The following DPP10 variants were observed in gnomAD, a reference collection of about 807,000 sequenced individuals.
DPP10 encodes the protein dipeptidyl peptidase like 10, also known as inactive dipeptidyl peptidase 10.
A neutral mutation model predicts 120.9 loss-of-function variants in DPP10; 33 were observed. The ratio of observed to expected loss-of-function variants is 0.27; its 90% confidence interval spans 0.21 to 0.37. The LOEUF is 0.37. Among genes scored for constraint, DPP10 ranks in the 10% least tolerant of loss-of-function variants. DPP10 has a pLI of 1.00. For missense variants in DPP10, 816 were observed against 942.8 expected (o/e 0.87, Z 1.76); for synonymous variants, 337 against 326.1 (o/e 1.03, Z -0.36).
intron 19 of DPP10, among the ~76,000 whole-genome samples, chr2:115,810,321 T>C (rs1686497103): frequency 6.6e-6 from 1 of 152,154 alleles, no homozygotes; most frequent in Admixed American, 6.5e-5. Context: ...AAAACCTTAG[T>C]CTTCTGTATA....
At chr2:115,097,355 T>A (rs1187994913) in intron 1 of DPP10, among the ~76,000 whole-genome samples, 1 of 152,208 alleles carries the variant, frequency 6.6e-6, no homozygotes, top group Admixed American at 6.5e-5. Context: ...AATTCTAATG[T>A]GAAGATCTTT....
At chr2:114,661,115 T>C (rs913424579) in intron 1 of DPP10, among the ~76,000 whole-genome samples, 3 of 152,176 alleles carry the variant, frequency 2.0e-5, no homozygotes, top group African/African-American at 7.2e-5. Flanking sequence ...CCAAATGATA[T>C]ATGCTCATTC....
chr2:114,457,518 G>A (rs1392896485), intron 1 of DPP10, among the ~76,000 whole-genome samples: 2 of 152,176 alleles, frequency 1.3e-5, no homozygotes, highest in Non-Finnish European at 2.9e-5. Context: ...AGCCACTGTA[G>A]CAGTCTATTT....
chr2:115,737,445 T>C (rs930038234), intron 8 of DPP10, among the ~76,000 whole-genome samples: 1 of 152,038 alleles, frequency 6.6e-6, no homozygotes, highest in Non-Finnish European at 1.5e-5. Flanking sequence ...GCCCTTGAAA[T>C]AGATAATATT....
At chr2:115,578,154 A>G (rs1295800470) in intron 5 of DPP10, among the ~76,000 whole-genome samples, 2 of 152,288 alleles carry the variant, frequency 1.3e-5, no homozygotes, top group Non-Finnish European at 1.5e-5. Context: ...CTTTGCTCAA[A>G]TGGCCACTGA....
intron 5 of DPP10, among the ~76,000 whole-genome samples, chr2:115,603,138 G>GTGTA (rs1200242845): frequency 6.6e-6 from 1 of 150,586 alleles, no homozygotes; most frequent in Non-Finnish European, 1.5e-5. Flanking sequence ...GTGTGTGTGT[G>GTGTA]TGTGTGTGTG....
intron 2 of DPP10, among the ~76,000 whole-genome samples, chr2:115,319,743 G>A (rs190139122): frequency 6.6e-6 from 1 of 152,236 alleles, no homozygotes; most frequent in East Asian, 1.9e-4. Context: ...GCAAGCTGGA[G>A]AAAGTCCAAG....
intron 7 of DPP10, among the ~76,000 whole-genome samples, chr2:115,719,017 T>A (rs1313650976): frequency 2.6e-5 from 4 of 152,214 alleles, no homozygotes; most frequent in Non-Finnish European, 4.4e-5. Context: ...TCGGGGCCTG[T>A]AAATATTTTT....
At chr2:114,741,722 A>G (rs1574081845) in intron 1 of DPP10, among the ~76,000 whole-genome samples, 1 of 152,302 alleles carries the variant, frequency 6.6e-6, no homozygotes, top group South Asian at 2.1e-4. Context: ...CACCACGTGA[A>G]CATAGAAACA....
intron 1 of DPP10, among the ~76,000 whole-genome samples, chr2:114,551,085 TC>T (rs1247485475): frequency 6.6e-6 from 1 of 152,114 alleles, no homozygotes; most frequent in Non-Finnish European, 1.5e-5. Context: ...TTGCAATCCA[TC>T]CTCCACTACA....
At chr2:115,564,134 A>G (rs1279386023) in intron 5 of DPP10, among the ~76,000 whole-genome samples, 2 of 151,980 alleles carry the variant, frequency 1.3e-5, no homozygotes, top group African/African-American at 4.8e-5. Context: ...AGCCCTCGAT[A>G]TTCAAATAAA....
intron 1 of DPP10, among the ~76,000 whole-genome samples, chr2:114,974,257 A>G (rs1358421373): frequency 6.6e-6 from 1 of 152,094 alleles, no homozygotes; most frequent in East Asian, 1.9e-4. Flanking sequence ...CAGTACTTTT[A>G]GTGTACTTTT....
At chr2:114,457,509 G>C (rs1678647145) in intron 1 of DPP10, among the ~76,000 whole-genome samples, 1 of 152,158 alleles carries the variant, frequency 6.6e-6, no homozygotes, top group African/African-American at 2.4e-5. Context: ...TGAATTGGGA[G>C]CCACTGTAGC....
intron 1 of DPP10, among the ~76,000 whole-genome samples, chr2:115,070,374 T>C (rs935635282): frequency 4.6e-5 from 7 of 152,192 alleles, no homozygotes; most frequent in Non-Finnish European, 8.8e-5. Context: ...CCATCTTTGA[T>C]CAATGTTCAG....
intron 1 of DPP10, among the ~76,000 whole-genome samples, chr2:115,052,411 G>A (rs796602878): frequency 7.9e-5 from 12 of 152,036 alleles, no homozygotes; most frequent in Middle Eastern, 6.8e-3. Context: ...GAGAAATAAC[G>A]TTTGCAAATA....
chr2:115,744,156 A>G (rs995613459), intron 9 of DPP10, among the ~76,000 whole-genome samples: 2 of 150,600 alleles, frequency 1.3e-5, no homozygotes, highest in Admixed American at 7.0e-5. Flanking sequence ...AAGTCTGAAT[A>G]TAGGTTTCAG....
At chr2:115,550,934 A>T (rs1011123883) in intron 5 of DPP10, among the ~76,000 whole-genome samples, 2 of 152,190 alleles carry the variant, frequency 1.3e-5, no homozygotes, top group African/African-American at 4.8e-5. Flanking sequence ...TGTTAATGCA[A>T]ATAATGACTA....
chr2:115,110,806 A>G (rs976717153), intron 1 of DPP10, among the ~76,000 whole-genome samples: 1 of 152,140 alleles, frequency 6.6e-6, no homozygotes, highest in African/African-American at 2.4e-5. Flanking sequence ...TTTAGATAGT[A>G]TCATTTTATT....
chr2:114,654,907 CT>C (rs1696860896), intron 1 of DPP10, among the ~76,000 whole-genome samples: 1 of 152,154 alleles, frequency 6.6e-6, no homozygotes, highest in Admixed American at 6.5e-5. Flanking sequence ...GGTGTGAGTT[CT>C]GTTTCTCAAA....
Sources: gnomAD v4.1 joint callset for allele counts (sites outside exome capture counted in the v4.1 genomes callset) on GRCh38, gnomAD v4.1.1 for gene constraint, MANE v1.5 for transcripts, NCBI Gene and HGNC (gene_info 2026-07-23, HGNC 2026-07-21) for gene names.